Variants in CENPW observed in about 807,000 individuals in gnomAD.
CENPW encodes cancer-up-regulated gene 2 protein.
A neutral mutation model predicts 11.1 loss-of-function variants in CENPW; 3 were observed. That is an observed-to-expected ratio of 0.27 (90% CI 0.12 to 0.70). The LOEUF (loss-of-function observed/expected upper bound fraction) is 0.70. Ranked by LOEUF, CENPW falls within the 30% of genes least tolerant of loss-of-function variation. The pLI is 0.77. For missense variants in CENPW, 100 were observed against 105.6 expected (o/e 0.95, Z 0.23); for synonymous variants, 38 against 42.0 (o/e 0.91, Z 0.37).
chr6:126,391,763 A>G, the CENPW span, among the ~76,000 whole-genome samples: 11 of 151,886 alleles, frequency 7.2e-5, no homozygotes, highest in African/African-American at 2.6e-4. Flanking sequence ...GCACCTTTGT[A>G]AAAAATGAGT....
chr6:126,374,350 T>C, the CENPW span, among the ~76,000 whole-genome samples: 3 of 152,196 alleles, frequency 2.0e-5, no homozygotes, highest in African/African-American at 7.2e-5. Flanking sequence ...CTCTTTAAAA[T>C]TGAGCCATCT....
At chr6:126,341,369 C>T (rs1193697986) in intron 1 of CENPW, among the ~76,000 whole-genome samples, 6 of 152,162 alleles carry the variant, frequency 3.9e-5, no homozygotes, top group Non-Finnish European at 5.9e-5. Context: ...ATCATCCTAG[C>T]TGTTCTTAAA....
the CENPW span, among the ~76,000 whole-genome samples, chr6:126,468,506 T>G: frequency 1.4e-5 from 2 of 146,638 alleles, no homozygotes; most frequent in Non-Finnish European, 3.0e-5. Flanking sequence ...AACAGAAAAG[T>G]AACATTAGAG....
intron 2 of CENPW, among the ~76,000 whole-genome samples, chr6:126,347,119 A>G (rs1024150828): frequency 3.9e-5 from 6 of 152,134 alleles, no homozygotes; most frequent in African/African-American, 1.4e-4. Context: ...TCTGTTGTCA[A>G]ATAAGTGTAG....
chr6:126,476,518 GAA>G, the CENPW span, among the ~76,000 whole-genome samples: 9 of 151,938 alleles, frequency 5.9e-5, no homozygotes, highest in African/African-American at 2.2e-4. Flanking sequence ...AACCTGCAAT[GAA>G]AATACAGTTT....
the CENPW span, among the ~76,000 whole-genome samples, chr6:126,387,365 C>T: frequency 3.4e-4 from 52 of 151,966 alleles, no homozygotes; most frequent in African/African-American, 1.0e-3. Flanking sequence ...GTTTCATATA[C>T]GGCGTAGCTT....
chr6:126,422,724 G>A, the CENPW span, among the ~76,000 whole-genome samples: 1 of 152,058 alleles, frequency 6.6e-6, no homozygotes, highest in African/African-American at 2.4e-5. Flanking sequence ...ACTCACAGAG[G>A]AAGTAGGGAC....
chr6:126,432,432 G>C, the CENPW span, among the ~76,000 whole-genome samples: 1 of 152,242 alleles, frequency 6.6e-6, no homozygotes, highest in African/African-American at 2.4e-5. Flanking sequence ...CTCTCTAGGG[G>C]TATATACCAA....
chr6:126,466,121 C>T, the CENPW span, among the ~76,000 whole-genome samples: 24 of 152,070 alleles, frequency 1.6e-4, no homozygotes, highest in Admixed American at 9.2e-4. Context: ...TTTTCAAAAC[C>T]TTTAGAAATT....
the CENPW span, among the ~76,000 whole-genome samples, chr6:126,442,021 T>G: frequency 6.6e-6 from 1 of 151,608 alleles, no homozygotes; most frequent in African/African-American, 2.4e-5. Flanking sequence ...CTTTAAGGAA[T>G]CTCCACACTG....
the CENPW span, among the ~76,000 whole-genome samples, chr6:126,398,764 G>C: frequency 6.6e-6 from 1 of 151,614 alleles, no homozygotes; most frequent in Admixed American, 6.6e-5. Context: ...CCATAACCCA[G>C]ATATTAAGCA....
At chr6:126,358,485 A>T in the CENPW span, among the ~76,000 whole-genome samples, 7 of 152,102 alleles carry the variant, frequency 4.6e-5, no homozygotes. Context: ...TTTGCTTTTA[A>T]TTCTGTTTGT....
At chr6:126,446,539 A>T in the CENPW span, among the ~76,000 whole-genome samples, 1 of 151,134 alleles carries the variant, frequency 6.6e-6, no homozygotes, top group East Asian at 1.9e-4. Context: ...TATTCACTAT[A>T]AGCTGCTCAG....
At chr6:126,447,812 T>C in the CENPW span, among the ~76,000 whole-genome samples, 1 of 151,238 alleles carries the variant, frequency 6.6e-6, no homozygotes, top group Non-Finnish European at 1.5e-5. Flanking sequence ...AAGTAATACC[T>C]TGAAGAGCTA....
the CENPW span, among the ~76,000 whole-genome samples, chr6:126,392,087 A>G: frequency 6.6e-6 from 1 of 151,970 alleles, no homozygotes. Flanking sequence ...AACAACATTG[A>G]TTCTTCCAAT....
At chr6:126,350,639 A>G (rs2128290361), downstream of CENPW, among the ~76,000 whole-genome samples, 1 of 152,272 alleles carries the variant, frequency 6.6e-6, no homozygotes, top group African/African-American at 2.4e-5. Context: ...CTGTATATTG[A>G]CTTATACATT....
chr6:126,428,083 A>C, the CENPW span, among the ~76,000 whole-genome samples: 10 of 152,352 alleles, frequency 6.6e-5, no homozygotes, highest in Admixed American at 5.9e-4. Context: ...TGGCAAACTA[A>C]GATTTTTCAG....
the CENPW span, among the ~76,000 whole-genome samples, chr6:126,463,344 G>A: frequency 1.3e-5 from 2 of 151,944 alleles, no homozygotes; most frequent in East Asian, 3.9e-4. Context: ...TAGAATCACA[G>A]TTTAGGAAAT....
the CENPW span, among the ~76,000 whole-genome samples, chr6:126,373,694 G>A: frequency 5.3e-5 from 8 of 152,216 alleles, no homozygotes; most frequent in South Asian, 2.1e-4. Flanking sequence ...CTTATCCTCC[G>A]GAACCTCTCC....
Sources: gnomAD v4.1 joint callset for allele counts (sites outside exome capture counted in the v4.1 genomes callset) on GRCh38, gnomAD v4.1.1 for gene constraint, MANE v1.5 for transcripts, NCBI Gene and HGNC (gene_info 2026-07-23, HGNC 2026-07-21) for gene names.